Variants in BZW2 observed in about 807,000 individuals in gnomAD.
BZW2 encodes basic leucine zipper and W2 domains 2, also known as eIF5-mimic protein 1.
In BZW2, 23 loss-of-function variants were observed where a neutral mutation model predicts 53.2. That is an observed-to-expected ratio of 0.43 (90% CI 0.31 to 0.61). The LOEUF (loss-of-function observed/expected upper bound fraction) is 0.61, where lower values mean the gene tolerates loss of function less well. BZW2 is among the 20% of genes least tolerant of loss of function. The pLI is 0.09. For missense variants in BZW2, 409 were observed against 503.1 expected, an observed-to-expected ratio of 0.81 and a Z score of 1.79; for synonymous variants, 227 against 186.4, an observed-to-expected ratio of 1.22 and a Z score of -1.77.
intron 5 of BZW2, 63 bp downstream of exon 5, chr7:16,682,908 T>G (rs2128362342): frequency 8.4e-7 from 1 of 1,193,070 alleles, no homozygotes. Flanking sequence ...GATAAAAATT[T>G]TATAAGTGGC....
At chr7:16,667,589 T>C (rs1333332165) in intron 2 of BZW2, among the ~76,000 whole-genome samples, 3 of 152,158 alleles carry the variant, frequency 2.0e-5, no homozygotes, top group African/African-American at 7.2e-5. Flanking sequence ...GAAAAGAAAT[T>C]GCAATATAAT....
At chr7:16,660,291 T>C (rs1562477471) in intron 1 of BZW2, among the ~76,000 whole-genome samples, 1 of 151,796 alleles carries the variant, frequency 6.6e-6, no homozygotes, top group Non-Finnish European at 1.5e-5. Flanking sequence ...AGTGTGCCTG[T>C]AGTCCTAGCT....
At chr7:16,654,179 G>C (rs1201979601) in intron 1 of BZW2, among the ~76,000 whole-genome samples, 1 of 151,368 alleles carries the variant, frequency 6.6e-6, no homozygotes, top group East Asian at 1.9e-4. Flanking sequence ...GCAGTGAGCT[G>C]AGATTGTGCC....
chr7:16,696,854 C>T lies in BZW2; in HGVS notation c.823-61C>T, dbSNP rs7796792. The T allele has an allele frequency of 2.9e-4, 454 of 1,568,056 alleles. 4 individuals are homozygous for T. Among genetic ancestry groups the T allele is most frequent in the African/African-American group, 2.5e-3 (182 of 73,804 alleles). On this transcript the variant is annotated intron_variant, in intron 8 of 11. Transcript: ENST00000258761. ...AAACCTTGATTGACTGGGCAGCTAG[C>T]GGGGAGATGGGAGCCCTCCATCTGC...
intron 1 of BZW2, among the ~76,000 whole-genome samples, chr7:16,663,211 C>G (rs572510471): frequency 6.6e-6 from 1 of 152,122 alleles, no homozygotes; most frequent in Non-Finnish European, 1.5e-5. Context: ...TGCTGTTGCC[C>G]CCATACACAT....
rs1396605736 is a variant in BZW2, at chr7:16,685,919, T to C, written c.420T>C (p.Leu140=). 6.5e-7 allele frequency: 1 copy of C among 1,547,798 alleles called. No homozygotes were observed. The highest frequency in any genetic ancestry group is 2.4e-5 in the East Asian group (1 of 41,262). ...EDEMKKLLLF[L]KAFSETEQTK... Reference sequence around the variant, plus strand: ...TTGACCCACAGCTTCTCCTCTTCCTTAAAGCCTTTTCCGAAACAGAGCAGA... The same window carrying C: ...TTGACCCACAGCTTCTCCTCTTCCTCAAAGCCTTTTCCGAAACAGAGCAGA... The change falls in exon 6 of 12, where the codon CTT becomes CTC. Residue 140 remains leucine, a synonymous_variant. Transcript: ENST00000258761.
At chr7:16,681,543 A>G in intron 4 of BZW2, 139 bp downstream of exon 4, 1 of 706,832 alleles carries the variant, frequency 1.4e-6, no homozygotes, top group Non-Finnish European at 2.3e-6. Context: ...TAAAACTACA[A>G]AAATAGGCCT....
In BZW2 at chr7:16,704,446, A is replaced by C. The variant is rs1206018685; in HGVS notation, c.1109-101A>C. 2.5e-6 allele frequency: 3 copies of C among 1,210,912 alleles called. No homozygotes were observed. In the African/African-American group the frequency reaches 4.5e-5, roughly 18 times the overall value. The allele number at this position is 1,210,912 out of a possible 1,614,324, so 75.0% of individuals were successfully genotyped here. ...CTTCTGATAAGTAACAGAATGCTTT[A>C]TATTTAAAATGATTGCTTTCTATTA... On this transcript the variant is annotated intron_variant, in intron 10 of 11. Transcript: ENST00000258761.
intron 8 of BZW2, 54 bp from the exon 9 acceptor site, chr7:16,696,861 A>G (rs1783509466): frequency 6.3e-7 from 1 of 1,593,556 alleles, no homozygotes. Context: ...TAGCGGGGAG[A>G]TGGGAGCCCT....
chr7:16,699,656 C>T (rs963287126), intron 10 of BZW2, among the ~76,000 whole-genome samples: 7 of 152,090 alleles, frequency 4.6e-5, no homozygotes, highest in African/African-American at 1.7e-4. Flanking sequence ...GTCTCATCTT[C>T]AGGAGCACCC....
At chr7:16,681,998 A>C (rs894961599) in intron 4 of BZW2, among the ~76,000 whole-genome samples, 1 of 152,114 alleles carries the variant, frequency 6.6e-6, no homozygotes, top group South Asian at 2.1e-4. Context: ...ATTTTAATGC[A>C]ATTTATTTCT....
intron 2 of BZW2, among the ~76,000 whole-genome samples, chr7:16,671,233 C>G (rs138326653): frequency 1.2e-4 from 19 of 152,256 alleles, no homozygotes; most frequent in African/African-American, 4.3e-4. Context: ...TTCATTGTAT[C>G]ATATAGTTTC....
intron 9 of BZW2, 21 bp downstream of exon 9, chr7:16,697,082 A>T (rs1042578528): frequency 5.0e-6 from 8 of 1,609,196 alleles, no homozygotes; most frequent in Non-Finnish European, 6.8e-6. Context: ...TTAGCAAGGA[A>T]CTGACCCAGC....
chr7:16,650,279 G>A (rs1781952596), intron 1 of BZW2, among the ~76,000 whole-genome samples: 1 of 152,008 alleles, frequency 6.6e-6, no homozygotes, highest in South Asian at 2.1e-4. Flanking sequence ...CATCTTTTTT[G>A]AAAAGAAAAT....
At chr7:16,663,797 A>G (rs1461133639) in intron 1 of BZW2, among the ~76,000 whole-genome samples, 1 of 152,214 alleles carries the variant, frequency 6.6e-6, no homozygotes, top group Non-Finnish European at 1.5e-5. Context: ...CAATCTAGAC[A>G]TATTTTCAGT....
chr7:16,650,152 A>G (rs1293653672), intron 1 of BZW2, among the ~76,000 whole-genome samples: 2 of 152,242 alleles, frequency 1.3e-5, no homozygotes, highest in African/African-American at 2.4e-5. Flanking sequence ...CTTGTGAACA[A>G]TGCGTTTCCA....
intron 2 of BZW2, among the ~76,000 whole-genome samples, chr7:16,672,789 C>G (rs1258406765): frequency 6.6e-6 from 1 of 152,186 alleles, no homozygotes; most frequent in Non-Finnish European, 1.5e-5. Context: ...CGACCTTCCA[C>G]AAGGTTTTGC....
intron 2 of BZW2, 24 bp downstream of exon 2, chr7:16,665,525 G>A (rs1485768362): frequency 6.2e-7 from 1 of 1,612,392 alleles, no homozygotes; most frequent in Non-Finnish European, 8.5e-7. Flanking sequence ...GTGTGTGTGT[G>A]TGTGTTTAAA....
At chr7:16,670,515 G>A (rs1283192402) in intron 2 of BZW2, among the ~76,000 whole-genome samples, 1 of 152,170 alleles carries the variant, frequency 6.6e-6, no homozygotes, top group Non-Finnish European at 1.5e-5. Flanking sequence ...TTGGAAACTG[G>A]TCACAAGACT....
Sources: gnomAD v4.1 joint callset for allele counts (sites outside exome capture counted in the v4.1 genomes callset) on GRCh38, gnomAD v4.1.1 for gene constraint, MANE v1.5 for transcripts, NCBI Gene and HGNC (gene_info 2026-07-23, HGNC 2026-07-21) for gene names.